RGL1: variants seen among roughly 807,000 people sequenced by gnomAD.
RGL1 encodes the protein ral guanine nucleotide dissociation stimulator like 1.
RGL1 carries 24 observed loss-of-function variants against 95.2 expected under a neutral mutation model. That is an observed-to-expected ratio of 0.25 (90% CI 0.18 to 0.35). RGL1 has a LOEUF of 0.35. Ranked by LOEUF, RGL1 falls within the 10% of genes least tolerant of loss-of-function variation. The pLI is 1.00. For missense variants in RGL1, 715 were observed against 936.3 expected (o/e 0.76, Z 3.08); for synonymous variants, 329 against 344.9 (o/e 0.95, Z 0.51).
chr1:183,927,271 T>G lies in RGL1; in HGVS notation c.*979T>G, dbSNP rs899935917. 2.6e-5 allele frequency: 4 copies of G among 152,606 alleles called. No homozygotes were observed. The highest frequency in any genetic ancestry group is 2.6e-4 in the Admixed American group (4 of 15,284). The allele number at this position is 152,606 out of a possible 1,614,324, so 9.5% of individuals were successfully genotyped here. On this transcript the variant is annotated 3_prime_UTR_variant, in exon 18 of 18. Coordinates refer to ENST00000360851, the MANE Select transcript of RGL1 (RefSeq NM_001297671.3). Reference sequence around the variant, plus strand: ...TATGTGTCTGGAGTCTTTTGCCATCTGGATCTTAGTACCTCTTTATTATGT... The same window carrying G: ...TATGTGTCTGGAGTCTTTTGCCATCGGGATCTTAGTACCTCTTTATTATGT...
intron 9 of RGL1, among the ~76,000 whole-genome samples, chr1:183,897,468 GAA>G (rs1473902218): frequency 6.6e-6 from 1 of 152,054 alleles, no homozygotes; most frequent in Non-Finnish European, 1.5e-5. Flanking sequence ...AGAATCACTT[GAA>G]CCTGGGAGGC....
At chr1:183,664,788 C>T (rs993358679) in intron 1 of RGL1, among the ~76,000 whole-genome samples, 2 of 152,058 alleles carry the variant, frequency 1.3e-5, no homozygotes, top group Non-Finnish European at 2.9e-5. Flanking sequence ...GTTTTTCGGT[C>T]AATTCTTTTT....
intron 10 of RGL1, among the ~76,000 whole-genome samples, chr1:183,898,471 T>A (rs1009935415): frequency 6.6e-6 from 1 of 152,240 alleles, no homozygotes; most frequent in African/African-American, 2.4e-5. Flanking sequence ...ATAGGTATTA[T>A]CAACTTTAGC....
intron 2 of RGL1, among the ~76,000 whole-genome samples, chr1:183,753,528 T>A (rs1658151078): frequency 6.6e-6 from 1 of 152,188 alleles, no homozygotes; most frequent in Non-Finnish European, 1.5e-5. Flanking sequence ...AGTGTCAACA[T>A]GTTTGTTTTG....
rs1016898480 is a variant in RGL1 at position 183,806,390 on chromosome 1, T to G, written c.43T>G (p.Trp15Gly). The G allele has an allele frequency of 1.9e-6, 3 of 1,613,664 alleles. No homozygotes were observed. Among genetic ancestry groups the G allele is most frequent in the African/African-American group, 1.3e-5 (1 of 74,906 alleles). The change falls in exon 2 of 18, where the codon TGG (tryptophan) becomes GGG (glycine). Residue 15 changes from tryptophan to glycine, a missense_variant. This residue lies in a region of RGL1 where 381 missense variants were observed against 484.8 expected (regional missense o/e 0.79). Transcript: ENST00000360851. The part of the protein sequence containing the change: ...WQAKMSSIQD[W>G]GEEVEEGAVY... ...TCCCTGGCAGAGCTCGATTCAGGAC[T>G]GGGGTGAAGAGGTAGAGGAAGGAGC...
chr1:183,792,663 T>TA (rs1660492502), intron 2 of RGL1, among the ~76,000 whole-genome samples: 1 of 151,984 alleles, frequency 6.6e-6, no homozygotes, highest in Non-Finnish European at 1.5e-5. Flanking sequence ...CTCTATATGC[T>TA]AATAATAAAC....
chr1:183,676,342 G>A (rs1652827989), intron 1 of RGL1, among the ~76,000 whole-genome samples: 2 of 151,968 alleles, frequency 1.3e-5, no homozygotes, highest in African/African-American at 4.8e-5. Context: ...GAGTTTGAAA[G>A]CTGCTGAATA....
At chr1:183,782,505 T>C (rs10911435) in intron 2 of RGL1, among the ~76,000 whole-genome samples, 66,638 of 151,990 alleles carry the variant, frequency 0.44, 15,828 homozygotes, top group East Asian at 0.8. Flanking sequence ...TTTGGCATCA[T>C]AGAACTTGCA....
chr1:183,641,683 T>G (rs1228296189), intron 1 of RGL1, among the ~76,000 whole-genome samples: 1 of 152,232 alleles, frequency 6.6e-6, no homozygotes, highest in Admixed American at 6.5e-5. Context: ...AATTTAGATT[T>G]CCACCTTTTT....
chr1:183,692,761 G>C (rs1654023010), intron 1 of RGL1, among the ~76,000 whole-genome samples: 1 of 152,040 alleles, frequency 6.6e-6, no homozygotes, highest in Admixed American at 6.6e-5. Context: ...TGCAGCTAGG[G>C]TGGGAGCAGT....
At chr1:183,651,829 C>T (rs3889888) in intron 1 of RGL1, among the ~76,000 whole-genome samples, 1,987 of 152,316 alleles carry the variant, frequency 0.013, 54 homozygotes, top group African/African-American at 0.046. Context: ...TGGAACCTGA[C>T]GCCATTTCCT....
rs11802159 is a variant in RGL1 at position 183,647,957 on chromosome 1, C to T, written c.-33+11456C>T. On this transcript the variant is annotated intron_variant, in intron 1 of 18. Coordinates refer to the RGL1 transcript ENST00000304685. The stretch of plus-strand genomic sequence containing the variant: ...GTAGGTTGGGTTGGAGTTGTCCACT[C>T]GGCATTTGAAAAAACTGTCCAGGAA... 6.2e-4 allele frequency: 1,005 copies of T among 1,614,112 alleles called. 6 individuals carry two copies. The African/African-American group carries it at 0.01, about 17-fold the overall frequency.
At chr1:183,649,036 T>C (rs1432125163) in intron 1 of RGL1, among the ~76,000 whole-genome samples, 1 of 152,204 alleles carries the variant, frequency 6.6e-6, no homozygotes, top group Non-Finnish European at 1.5e-5. Flanking sequence ...TTTCATAGAT[T>C]CCAAGTCAGT....
At chr1:183,834,858 T>A (rs1663525937) in intron 2 of RGL1, among the ~76,000 whole-genome samples, 1 of 151,636 alleles carries the variant, frequency 6.6e-6, no homozygotes, top group South Asian at 2.1e-4. Context: ...ATTTTCTAAT[T>A]TTTTTTTACA....
chr1:183,747,154 C>A (rs1196419824), intron 2 of RGL1, among the ~76,000 whole-genome samples: 2 of 152,108 alleles, frequency 1.3e-5, no homozygotes, highest in South Asian at 2.1e-4. Context: ...GATTTATGAT[C>A]CTTTGGGTAT....
intron 1 of RGL1, among the ~76,000 whole-genome samples, chr1:183,691,498 AAG>A (rs572732865): frequency 8.7e-4 from 133 of 152,372 alleles, no homozygotes; most frequent in Non-Finnish European, 1.5e-3. Flanking sequence ...TGCAATAAAA[AAG>A]AGTTTCATAT....
chr1:183,692,250 C>T (rs2102115118), intron 1 of RGL1, among the ~76,000 whole-genome samples: 1 of 152,320 alleles, frequency 6.6e-6, no homozygotes, highest in East Asian at 1.9e-4. Context: ...GTGTATTGGC[C>T]TCATGGCCAT....
chr1:183,795,564 G>T (rs1307299839), intron 2 of RGL1, among the ~76,000 whole-genome samples: 1 of 152,202 alleles, frequency 6.6e-6, no homozygotes, highest in Non-Finnish European at 1.5e-5. Context: ...GGTGGCTGGA[G>T]CCCAGAGAGC....
chr1:183,830,084 C>A (rs1663157793), intron 2 of RGL1, among the ~76,000 whole-genome samples: 1 of 152,128 alleles, frequency 6.6e-6, no homozygotes, highest in Non-Finnish European at 1.5e-5. Flanking sequence ...AGGAAATATT[C>A]TGAAAAATGA....
Sources: allele counts gnomAD v4.1 joint callset (sites outside exome capture counted in the v4.1 genomes callset), GRCh38; gene constraint gnomAD v4.1.1; regional missense constraint gnomAD v4.1.1; transcripts MANE v1.5; gene names NCBI Gene and HGNC (gene_info 2026-07-23, HGNC 2026-07-21).